The following RPS6KA2 variants were observed in gnomAD, a reference collection of about 807,000 sequenced individuals.
RPS6KA2 encodes ribosomal protein S6 kinase alpha-2.
In RPS6KA2, 42 loss-of-function variants were observed where a neutral mutation model predicts 91.8. The observed-to-expected ratio is 0.46, with a 90% CI of 0.36 to 0.59. The LOEUF is 0.59. RPS6KA2 is among the 20% of genes least tolerant of loss of function. The probability of loss-of-function intolerance (pLI) is 0.00; values close to 1 mark genes in which losing one functional copy is unlikely to be tolerated. For missense variants in RPS6KA2, 798 were observed against 978.5 expected, an observed-to-expected ratio of 0.82 and a Z score of 2.46; for synonymous variants, 414 against 393.6, an observed-to-expected ratio of 1.05 and a Z score of -0.61.
intron 1 of RPS6KA2, among the ~76,000 whole-genome samples, chr6:166,597,823 C>T (rs556342392): frequency 4.6e-5 from 7 of 152,214 alleles, no homozygotes; most frequent in South Asian, 4.2e-4. Flanking sequence ...CCGGAGTCCA[C>T]GGGCTGGTGA....
At chr6:166,587,711 ATTCAG>A (rs1285705674) in intron 1 of RPS6KA2, among the ~76,000 whole-genome samples, 3 of 151,966 alleles carry the variant, frequency 2.0e-5, no homozygotes, top group Non-Finnish European at 4.4e-5. Context: ...ATATAAGTGG[ATTCAG>A]AAGTAGAAGA....
chr6:166,500,359 T>C lies in RPS6KA2; in HGVS notation c.604+528A>G, dbSNP rs979613564. Among the ~76,000 whole-genome samples the C allele has an allele frequency of 8.5e-5, 13 of 152,132 alleles. No homozygotes were observed. The highest frequency in any genetic ancestry group is 7.9e-4 in the Admixed American group (12 of 15,282). On this transcript the variant is annotated intron_variant, in intron 7 of 20. Transcript: ENST00000265678. This position sits in a 1 kb window ranked among gnomAD's most constrained non-coding sequence, Gnocchi z 4.3. ...AGGAGCTGTTGCCAGTTTGACTGAA[T>C]TTGCTGGTGGCTGCCAGGGCTCAGA...
chr6:166,747,006 G>A (rs1583071754), intron 2 of RPS6KA2, among the ~76,000 whole-genome samples: 1 of 152,224 alleles, frequency 6.6e-6, no homozygotes, highest in East Asian at 1.9e-4. Flanking sequence ...TGGGCAGCAC[G>A]ACCCTGCGGA....
chr6:166,645,478 ACTCTC>A (rs1787577563), intron 2 of RPS6KA2, among the ~76,000 whole-genome samples: 1 of 151,398 alleles, frequency 6.6e-6, no homozygotes, highest in Non-Finnish European at 1.5e-5. Context: ...CCAGTCACAA[ACTCTC>A]CACCTCCCCT....
At chr6:166,689,569 T>C (rs1448379764) in intron 2 of RPS6KA2, among the ~76,000 whole-genome samples, 1 of 152,156 alleles carries the variant, frequency 6.6e-6, no homozygotes, top group Non-Finnish European at 1.5e-5. Context: ...CCCACTGGAT[T>C]CGTAGGTGTT....
intron 2 of RPS6KA2, chr6:166,702,664 C>T (rs1405665346): frequency 9.1e-6 from 14 of 1,530,964 alleles, no homozygotes; most frequent in Non-Finnish European, 1.2e-5. Context: ...TTCTATTTTA[C>T]CTGAAAGCGC....
At chr6:166,577,110 G>C (rs1784857446) in intron 1 of RPS6KA2, among the ~76,000 whole-genome samples, 1 of 152,224 alleles carries the variant, frequency 6.6e-6, no homozygotes, top group Non-Finnish European at 1.5e-5. Context: ...TCAAGAACTG[G>C]GGGTTCTGAA....
chr6:166,539,517 G>A (rs948294465), intron 1 of RPS6KA2, among the ~76,000 whole-genome samples: 2 of 152,140 alleles, frequency 1.3e-5, no homozygotes, highest in African/African-American at 2.4e-5. Flanking sequence ...TCTGATTCAC[G>A]CTATCCCTGG....
At chr6:166,765,700 T>G (rs1270465841) in intron 2 of RPS6KA2, among the ~76,000 whole-genome samples, 1 of 152,232 alleles carries the variant, frequency 6.6e-6, no homozygotes, top group Non-Finnish European at 1.5e-5. Flanking sequence ...AGCATCTTAC[T>G]TTTTTGAAAG....
At chr6:166,804,308 G>C (rs1172606411) in intron 2 of RPS6KA2, among the ~76,000 whole-genome samples, 1 of 150,222 alleles carries the variant, frequency 6.7e-6, no homozygotes, top group Non-Finnish European at 1.5e-5. Context: ...ATATTTATCT[G>C]TATATGTTAG....
intron 2 of RPS6KA2, among the ~76,000 whole-genome samples, chr6:166,798,088 A>C (rs1404148192): frequency 6.6e-6 from 1 of 152,194 alleles, no homozygotes; most frequent in Non-Finnish European, 1.5e-5. Flanking sequence ...ACAGAGCAAA[A>C]TCGAATATGC....
Position 166,733,022 on chromosome 6 carries a change from C to T in RPS6KA2, c.123+125178G>A, listed in dbSNP as rs1483890108. Among the ~76,000 whole-genome samples the T allele has an allele frequency of 6.6e-6, 1 of 152,162 alleles. No individual in the cohort carries two copies. The highest frequency in any genetic ancestry group is 2.4e-5 in the African/African-American group (1 of 41,430). On this transcript the variant is annotated intron_variant, in intron 2 of 21. Coordinates refer to the RPS6KA2 transcript ENST00000503859. This position sits in a 1 kb window ranked among gnomAD's most constrained non-coding sequence, Gnocchi z 4.1. ...CTTATGCATTTGCCCAGTTTTGCAT[C>T]GGATTTCTGGAGGTTTGGGACCCTC...
intron 2 of RPS6KA2, among the ~76,000 whole-genome samples, chr6:166,744,467 C>G: frequency 6.6e-6 from 1 of 152,220 alleles, no homozygotes; most frequent in East Asian, 1.9e-4. Flanking sequence ...GGCCTGCACT[C>G]CTTTCAAAAC....
At chr6:166,642,710 A>C (rs551587914) in intron 2 of RPS6KA2, among the ~76,000 whole-genome samples, 1 of 152,198 alleles carries the variant, frequency 6.6e-6, no homozygotes, top group Non-Finnish European at 1.5e-5. Flanking sequence ...ATTTCAAATG[A>C]TAGTAAGAAA....
At chr6:166,590,702 C>T (rs571180303) in intron 1 of RPS6KA2, among the ~76,000 whole-genome samples, 1 of 152,242 alleles carries the variant, frequency 6.6e-6, no homozygotes, top group African/African-American at 2.4e-5. Flanking sequence ...TATCTCTACT[C>T]ATTTCCCGTT....
In RPS6KA2 at chr6:166,725,791, C is replaced by T. The variant is rs369296465; in HGVS notation, c.123+132409G>A. ...GACGTTCCCGACCTGCCCCACAGCA[C>T]AGAGACTGGCTCCAGGTATGCCGGG... On this transcript the variant is annotated intron_variant, in intron 2 of 21. Transcript: ENST00000503859. 1.8e-3 allele frequency among the ~76,000 whole-genome samples: 273 copies of T among 152,360 alleles called. 1 individual carries two copies. Among genetic ancestry groups the T allele is most frequent in the African/African-American group, 6.3e-3 (262 of 41,590 alleles).
rs985800140 is a variant in RPS6KA2 at position 166,433,029 on chromosome 6, G to T, written c.1333-539C>A. On this transcript the variant is annotated intron_variant, in intron 14 of 20. Transcript: ENST00000265678. This position sits in a 1 kb window ranked among gnomAD's most constrained non-coding sequence, Gnocchi z 4.4. ...AAAAAAAAAGGAGTACAAGACTTCA[G>T]ACATGAATTTTAAGGTGTTATAAGG... 2.0e-5 allele frequency among the ~76,000 whole-genome samples: 3 copies of T among 150,010 alleles called. No individual in the cohort carries two copies. Among genetic ancestry groups the T allele is most frequent in the African/African-American group, 7.4e-5 (3 of 40,674 alleles).
intron 2 of RPS6KA2, among the ~76,000 whole-genome samples, chr6:166,775,906 G>A (rs1224224183): frequency 6.6e-6 from 1 of 152,196 alleles, no homozygotes; most frequent in Non-Finnish European, 1.5e-5. Context: ...ATGTCCTCGC[G>A]ATGGAGGAAC....
Position 166,554,575 on chromosome 6 carries a change from T to A in RPS6KA2, c.100-15791A>T, listed in dbSNP as rs555123198. On this transcript the variant is annotated intron_variant, in intron 1 of 20. Coordinates refer to ENST00000265678, the MANE Select transcript of RPS6KA2 (RefSeq NM_021135.6). This position sits in a 1 kb window ranked among gnomAD's most constrained non-coding sequence, Gnocchi z 4.3. ...ACAAAACCTAAGTCACGAGGTCTGA[T>A]GCGATGTGAGAACTCGCGGCTGGCA... 1.7e-4 allele frequency among the ~76,000 whole-genome samples: 26 copies of A among 152,226 alleles called. No individual in the cohort carries two copies. Among genetic ancestry groups the A allele is most frequent in the African/African-American group, 4.6e-4 (19 of 41,550 alleles).
Sources: allele counts gnomAD v4.1 joint callset (sites outside exome capture counted in the v4.1 genomes callset), GRCh38; gene constraint gnomAD v4.1.1; non-coding constraint Gnocchi (gnomAD v3.1); transcripts MANE v1.5; gene names NCBI Gene and HGNC (gene_info 2026-07-23, HGNC 2026-07-21).